The following COMMD10 variants were observed in gnomAD, a reference collection of about 807,000 sequenced individuals.
COMMD10 encodes COMM domain-containing protein 10.
A neutral mutation model predicts 28.9 loss-of-function variants in COMMD10; 33 were observed. That is an observed-to-expected ratio of 1.14 (90% confidence interval 0.87 to 1.53). The LOEUF (loss-of-function observed/expected upper bound fraction) is 1.53, where lower values mean the gene tolerates loss of function less well. Ranked by LOEUF, COMMD10 falls within the 40% of genes most tolerant of loss-of-function variation. COMMD10 has a pLI of 0.00. For missense variants in COMMD10, 310 were observed against 233.4 expected, an observed-to-expected ratio of 1.33 and a Z score of -2.14; for synonymous variants, 110 against 81.7, an observed-to-expected ratio of 1.35 and a Z score of -1.87.
At chr5:116,280,304 T>C (rs941944309) in intron 5 of COMMD10, among the ~76,000 whole-genome samples, 1 of 151,862 alleles carries the variant, frequency 6.6e-6, no homozygotes, top group Non-Finnish European at 1.5e-5. Flanking sequence ...AATTTATTCA[T>C]TCACTCTGCC....
chr5:116,249,402 A>T (rs2112671850), intron 5 of COMMD10, among the ~76,000 whole-genome samples: 1 of 152,088 alleles, frequency 6.6e-6, no homozygotes, highest in African/African-American at 2.4e-5. Flanking sequence ...TCAATGAAAG[A>T]TTTTAATTAA....
chr5:116,121,099 A>T (rs1751415809), intron 4 of COMMD10, among the ~76,000 whole-genome samples: 1 of 152,118 alleles, frequency 6.6e-6, no homozygotes, highest in African/African-American at 2.4e-5. Context: ...CATCATTTAC[A>T]TTAGATATTT....
chr5:116,129,307 TGTTA>T (rs1342901667), intron 4 of COMMD10, among the ~76,000 whole-genome samples: 2 of 148,450 alleles, frequency 1.3e-5, no homozygotes, highest in Non-Finnish European at 3.0e-5. Context: ...CTCACAGGGT[TGTTA>T]GTTTTCTTTG....
At chr5:116,217,284 A>G (rs7711861) in intron 5 of COMMD10, among the ~76,000 whole-genome samples, 33 of 151,908 alleles carry the variant, frequency 2.2e-4, no homozygotes, top group Admixed American at 2.0e-3. Flanking sequence ...ACATGGGCAG[A>G]CAGTCATTAA....
intron 5 of COMMD10, among the ~76,000 whole-genome samples, chr5:116,141,366 C>G (rs894803534): frequency 1.3e-5 from 2 of 151,740 alleles, no homozygotes; most frequent in African/African-American, 2.4e-5. Flanking sequence ...TGTGATACAT[C>G]TAACTTTGTT....
At chr5:116,124,310 CTTCAT>C (rs1362482200) in intron 4 of COMMD10, among the ~76,000 whole-genome samples, 1 of 152,138 alleles carries the variant, frequency 6.6e-6, no homozygotes. Context: ...TTATTTCTGC[CTTCAT>C]TTCGTTACTT....
At chr5:116,116,405 A>G (rs1214055253) in intron 4 of COMMD10, among the ~76,000 whole-genome samples, 2 of 152,244 alleles carry the variant, frequency 1.3e-5, no homozygotes, top group Non-Finnish European at 2.9e-5. Context: ...AGCATACTTT[A>G]TGCAGCTAAA....
chr5:116,106,272 A>G (rs1370690140), intron 4 of COMMD10, among the ~76,000 whole-genome samples: 1 of 152,060 alleles, frequency 6.6e-6, no homozygotes, highest in African/African-American at 2.4e-5. Flanking sequence ...CAGGTTGTTC[A>G]GTTTCCATGT....
chr5:116,162,753 A>G (rs1219502314), intron 5 of COMMD10, among the ~76,000 whole-genome samples: 1 of 152,170 alleles, frequency 6.6e-6, no homozygotes, highest in East Asian at 1.9e-4. Flanking sequence ...AAGTTGAGAA[A>G]CCTAAGTGTT....
intron 5 of COMMD10, among the ~76,000 whole-genome samples, chr5:116,228,881 T>C (rs942571300): frequency 6.6e-6 from 1 of 152,004 alleles, no homozygotes; most frequent in Non-Finnish European, 1.5e-5. Context: ...TAAATAAGCA[T>C]TGAGACATAT....
At chr5:116,268,015 A>G (rs1580598720) in intron 5 of COMMD10, among the ~76,000 whole-genome samples, 2 of 151,792 alleles carry the variant, frequency 1.3e-5, no homozygotes, top group South Asian at 2.1e-4. Context: ...AACCTAGGCA[A>G]TACCATTCAG....
At chr5:116,266,579 T>A (rs1210257710) in intron 5 of COMMD10, among the ~76,000 whole-genome samples, 2 of 151,790 alleles carry the variant, frequency 1.3e-5, no homozygotes, top group African/African-American at 4.9e-5. Context: ...TAAATCTCTT[T>A]CCATAACCTG....
Position 116,292,895 on chromosome 5 carries a change from A to G in COMMD10, c.*406A>G. The G allele has an allele frequency of 2.5e-6, 1 of 394,818 alleles. No homozygotes were observed. 24.5% of individuals were successfully genotyped at this position (394,818 alleles called of 1,614,324 possible). A position where few individuals can be genotyped will look rare whatever the true frequency, so the allele number is the denominator to read the frequency against. On this transcript the variant is annotated 3_prime_UTR_variant, in exon 7 of 7. Coordinates refer to ENST00000274458, the MANE Select transcript of COMMD10 (RefSeq NM_016144.4). ...TAGAATACAGAGCTTTGGTAATTAC[A>G]TGAATAAAATTAAGAAAATAGCCAT...
chr5:116,240,835 G>T (rs893662390), intron 5 of COMMD10, among the ~76,000 whole-genome samples: 3 of 152,178 alleles, frequency 2.0e-5, no homozygotes, highest in African/African-American at 7.2e-5. Flanking sequence ...GTTCTAATAT[G>T]ATGGGTAATC....
intron 2 of COMMD10, among the ~76,000 whole-genome samples, chr5:116,089,730 C>T (rs17138879): frequency 0.11 from 16,964 of 152,178 alleles, 1,381 homozygotes; most frequent in African/African-American, 0.22. Context: ...TGAAGTTACC[C>T]GTCCTGCTGG....
chr5:116,108,380 G>A (rs1462262371), intron 4 of COMMD10, among the ~76,000 whole-genome samples: 2 of 152,236 alleles, frequency 1.3e-5, no homozygotes, highest in African/African-American at 4.8e-5. Flanking sequence ...GCCCAGAGAG[G>A]AGGAATCTAG....
intron 5 of COMMD10, among the ~76,000 whole-genome samples, chr5:116,140,480 A>G (rs1398872925): frequency 6.6e-6 from 1 of 151,622 alleles, no homozygotes; most frequent in African/African-American, 2.4e-5. Flanking sequence ...TCTAATTTGA[A>G]TTTTTGGAGG....
At chr5:116,166,142 C>A (rs142018003) in intron 5 of COMMD10, among the ~76,000 whole-genome samples, 2 of 94,864 alleles carry the variant, frequency 2.1e-5, no homozygotes, top group African/African-American at 4.8e-5. Context: ...GGACTTGAGT[C>A]CATTTCTCTG....
At chr5:116,177,558 T>C (rs931311947) in intron 5 of COMMD10, among the ~76,000 whole-genome samples, 1 of 148,618 alleles carries the variant, frequency 6.7e-6, no homozygotes, top group Non-Finnish European at 1.5e-5. Flanking sequence ...TAATGTGACT[T>C]TGTAGGATCA....
Sources: gnomAD v4.1 joint callset for allele counts (sites outside exome capture counted in the v4.1 genomes callset) on GRCh38, gnomAD v4.1.1 for gene constraint, MANE v1.5 for transcripts, NCBI Gene and HGNC (gene_info 2026-07-23, HGNC 2026-07-21) for gene names.